SOHLH2: variants seen among roughly 807,000 people sequenced by gnomAD.
The protein encoded by SOHLH2 is spermatogenesis- and oogenesis-specific basic helix-loop-helix-containing protein 2.
In SOHLH2, 22 loss-of-function variants were observed where a neutral mutation model predicts 50.4. The observed-to-expected ratio is 0.44, with a 90% CI of 0.31 to 0.62. The LOEUF is 0.62. Among genes scored for constraint, SOHLH2 ranks in the 20% least tolerant of loss-of-function variants. SOHLH2 has a pLI of 0.08. For missense variants in SOHLH2, 412 were observed against 504.4 expected, an observed-to-expected ratio of 0.82 and a Z score of 1.76; for synonymous variants, 185 against 187.3, an observed-to-expected ratio of 0.99 and a Z score of 0.10.
intron 2 of SOHLH2, among the ~76,000 whole-genome samples, chr13:36,194,952 C>T (rs940162533): frequency 2.0e-5 from 3 of 151,928 alleles, no homozygotes; most frequent in African/African-American, 7.3e-5. Flanking sequence ...TTTCAAATTA[C>T]ATTATATATT....
At chr13:36,182,251 G>T in intron 6 of SOHLH2, 1 of 985,428 alleles carries the variant, frequency 1.0e-6, no homozygotes. Context: ...CTTGTATACA[G>T]TGAAGAGCCT....
intron 1 of SOHLH2, among the ~76,000 whole-genome samples, chr13:36,205,783 T>C (rs959002990): frequency 4.6e-5 from 7 of 152,046 alleles, no homozygotes; most frequent in African/African-American, 1.7e-4. Flanking sequence ...ACACAGAAAT[T>C]ATCTGCATCT....
At chr13:36,178,729 C>T (rs1887159499) in intron 6 of SOHLH2, among the ~76,000 whole-genome samples, 1 of 151,312 alleles carries the variant, frequency 6.6e-6, no homozygotes, top group South Asian at 2.1e-4. Context: ...AATAGTGAGT[C>T]TTTCAATTCA....
intron 2 of SOHLH2, among the ~76,000 whole-genome samples, chr13:36,198,058 C>T (rs1307206371): frequency 6.6e-6 from 1 of 152,130 alleles, no homozygotes; most frequent in African/African-American, 2.4e-5. Flanking sequence ...TGTTAGATCT[C>T]CGTGGCTCAC....
chr13:36,214,414 C>G, intron 1 of SOHLH2, 65 bp downstream of exon 1: 1 of 1,568,670 alleles, frequency 6.4e-7, no homozygotes, highest in South Asian at 1.2e-5. Context: ...GCCGAGGGGA[C>G]CACCGACCTA....
intron 6 of SOHLH2, among the ~76,000 whole-genome samples, chr13:36,188,274 T>C (rs761134574): frequency 5.9e-5 from 9 of 152,288 alleles, no homozygotes; most frequent in South Asian, 2.1e-4. Flanking sequence ...TACAATAAAA[T>C]GGTGGTTGTT....
At position 36,214,458 on chromosome 13, in the gene SOHLH2, T is replaced by C. The variant is rs747590007; in HGVS notation, c.48+21A>G. 5 of 1,610,486 alleles carry C rather than the reference T, an allele frequency of 3.1e-6. No individual in the cohort carries two copies. In the Admixed American group the frequency reaches 6.7e-5, roughly 22 times the overall value. ...CCGCGAGGTTATAAACGCAGCTGCC[T>C]CCCCTTCCACAGCCTCTTACCTGGC... On this transcript the variant is annotated intron_variant, in intron 1 of 10. Transcript: ENST00000379881.
At chr13:36,192,149 C>T (rs748411704) in intron 4 of SOHLH2, among the ~76,000 whole-genome samples, 6 of 152,194 alleles carry the variant, frequency 3.9e-5, no homozygotes, top group African/African-American at 1.4e-4. Context: ...CACTTAGTGA[C>T]AGGTGTGCTT....
intron 6 of SOHLH2, among the ~76,000 whole-genome samples, chr13:36,187,257 T>C (rs974180000): frequency 1.3e-5 from 2 of 152,074 alleles, no homozygotes; most frequent in African/African-American, 2.4e-5. Flanking sequence ...GGGGGACCAA[T>C]AAAGGATTCC....
At chr13:36,194,326 G>A (rs758705886) in intron 2 of SOHLH2, among the ~76,000 whole-genome samples, 7 of 152,240 alleles carry the variant, frequency 4.6e-5, no homozygotes, top group Non-Finnish European at 7.4e-5. Flanking sequence ...AGGGAAATTT[G>A]AATGCTAATG....
chr13:36,196,361 G>A (rs1176278697), intron 2 of SOHLH2, among the ~76,000 whole-genome samples: 2 of 151,870 alleles, frequency 1.3e-5, no homozygotes, highest in African/African-American at 2.4e-5. Flanking sequence ...CCTGGCCTCA[G>A]GCAATCTTCC....
intron 6 of SOHLH2, among the ~76,000 whole-genome samples, chr13:36,188,012 AGG>A (rs1199492105): frequency 6.6e-6 from 1 of 152,070 alleles, no homozygotes; most frequent in Non-Finnish European, 1.5e-5. Context: ...CACTCTCTCT[AGG>A]AGCCCTAAGC....
rs534348666 is a variant in SOHLH2 at position 36,199,341 on chromosome 13, G to A, written c.263+2538C>T. Among the ~76,000 whole-genome samples, 7 of 151,880 alleles carry A rather than the reference G, an allele frequency of 4.6e-5. No individual in the cohort carries two copies. The South Asian group carries it at 1.2e-3, about 27-fold the overall frequency. The stretch of plus-strand genomic sequence containing the variant: ...CACACACACACACACATAACCAAAC[G>A]ACTCTGTCCCCTTGCAGAGAGGAGC... On this transcript the variant is annotated intron_variant, in intron 2 of 10. Coordinates refer to ENST00000379881, the MANE Select transcript of SOHLH2 (RefSeq NM_017826.3).
intron 4 of SOHLH2, among the ~76,000 whole-genome samples, chr13:36,192,423 A>T (rs2138299809): frequency 6.6e-6 from 1 of 152,316 alleles, no homozygotes; most frequent in East Asian, 1.9e-4. Context: ...AGAGGTTGCA[A>T]AAGCCCTCGG....
At chr13:36,207,070 A>G (rs1044678066) in intron 1 of SOHLH2, among the ~76,000 whole-genome samples, 1 of 151,576 alleles carries the variant, frequency 6.6e-6, no homozygotes, top group Admixed American at 6.6e-5. Flanking sequence ...TTTCTTTATC[A>G]TCTTTTCTGT....
At chr13:36,194,751 T>C (rs1031499814) in intron 2 of SOHLH2, among the ~76,000 whole-genome samples, 3 of 152,142 alleles carry the variant, frequency 2.0e-5, no homozygotes, top group Non-Finnish European at 2.9e-5. Context: ...GTGAAAGAGA[T>C]TTTAAAGAGA....
chr13:36,201,537 A>T (rs571834281), intron 2 of SOHLH2, among the ~76,000 whole-genome samples: 2 of 151,882 alleles, frequency 1.3e-5, no homozygotes, highest in South Asian at 4.2e-4. Context: ...CAGTGACATG[A>T]TCATAGTTCA....
chr13:36,193,691 T>A lies in SOHLH2; in HGVS notation c.360A>T (p.Leu120Phe), dbSNP rs768820237. Reference sequence around the variant, plus strand: ...TTTTTTCCATTGTCAGTGGTTCAGTTAAAGCAATATCCATTCCATGCCCTG... The same window carrying A: ...TTTTTTCCATTGTCAGTGGTTCAGTAAAAGCAATATCCATTCCATGCCCTG... Reference protein sequence around the residue: ...CISGHGMDIALTEPLTMEKMS... With the variant: ...CISGHGMDIAFTEPLTMEKMS... The change falls in exon 4 of 11, where the codon TTA (leucine) becomes TTT (phenylalanine). Residue 120 changes from leucine to phenylalanine, a missense_variant. Physicochemically the swap from Leu to Phe is conservative, Grantham distance 22. Coordinates refer to ENST00000379881, the MANE Select transcript of SOHLH2 (RefSeq NM_017826.3). The A allele has an allele frequency of 8.7e-6, 14 of 1,613,286 alleles. No homozygotes were observed. The highest frequency in any genetic ancestry group is 1.2e-5 in the Non-Finnish European group (14 of 1,179,832).
chr13:36,208,188 C>G (rs1868896634), intron 1 of SOHLH2, among the ~76,000 whole-genome samples: 1 of 152,198 alleles, frequency 6.6e-6, no homozygotes, highest in Non-Finnish European at 1.5e-5. Flanking sequence ...GTTATACCCT[C>G]TGTTCCTGCC....
Sources: gnomAD v4.1 joint callset for allele counts (sites outside exome capture counted in the v4.1 genomes callset) on GRCh38, gnomAD v4.1.1 for gene constraint, MANE v1.5 for transcripts, NCBI Gene and HGNC (gene_info 2026-07-23, HGNC 2026-07-21) for gene names.